The following EPHA10 variants were observed in gnomAD, a reference collection of about 807,000 sequenced individuals.
The protein encoded by EPHA10 is EPH receptor A10, also known as ephrin type-A receptor 10.
In EPHA10, 120 loss-of-function variants were observed where a neutral mutation model predicts 109.7. The ratio of observed to expected loss-of-function variants is 1.09; its 90% CI spans 0.94 to 1.27. The LOEUF (loss-of-function observed/expected upper bound fraction) is 1.27. Ranked by LOEUF, EPHA10 falls within the 50% of genes most tolerant of loss-of-function variation. The pLI is 0.00. For missense variants in EPHA10, 1,396 were observed against 1,411.1 expected, an observed-to-expected ratio of 0.99 and a Z score of 0.17; for synonymous variants, 640 against 618.9, an observed-to-expected ratio of 1.03 and a Z score of -0.51.
At chr1:37,727,297 C>G (rs889540594) in intron 7 of EPHA10, 87 bp from the exon 8 acceptor site, 1 of 1,082,028 alleles carries the variant, frequency 9.2e-7, no homozygotes, top group Non-Finnish European at 1.3e-6. Flanking sequence ...CACCCTGTAG[C>G]AGGATTCCCA....
intron 5 of EPHA10, among the ~76,000 whole-genome samples, chr1:37,752,674 C>T (rs1246885261): frequency 1.3e-5 from 2 of 151,952 alleles, no homozygotes; most frequent in African/African-American, 4.8e-5. Flanking sequence ...CTCAGTCCCT[C>T]TCGCACACTC....
At chr1:37,742,226 T>C (rs1646165845) in intron 5 of EPHA10, among the ~76,000 whole-genome samples, 1 of 152,328 alleles carries the variant, frequency 6.6e-6, no homozygotes, top group South Asian at 2.1e-4. Flanking sequence ...CAGATAGTAC[T>C]GGAAACCTAG....
At position 37,735,330 on chromosome 1, in the gene EPHA10, G is replaced by A. The variant is rs997662623; in HGVS notation, c.1418C>T (p.Ser473Leu). 4 of 1,573,490 alleles carry A rather than the reference G, an allele frequency of 2.5e-6. No homozygotes were observed. The highest frequency in any genetic ancestry group is 1.3e-5 in the African/African-American group (1 of 74,134). The stretch of plus-strand genomic sequence containing the variant: ...TCCGGCAGGGATGGGCTCCCGCCAC[G>A]ACAGGGACACGCTCTGGGGTTCCAC... ...DRVEPQSVSLSWREPIPAGAP... is the reference protein window; with the variant it reads ...DRVEPQSVSLLWREPIPAGAP... Residue 473 changes from serine to leucine, a missense_variant, in exon 6 of 17, where the codon TCG (serine) becomes TTG (leucine). Coordinates refer to ENST00000373048, the MANE Select transcript of EPHA10 (RefSeq NM_001099439.2).
rs192981933 is a variant in EPHA10 at position 37,747,805 on chromosome 1, G to A, written c.1357+5071C>T. Among the ~76,000 whole-genome samples the A allele has an allele frequency of 4.5e-3, 684 of 151,782 alleles. 8 individuals are homozygous for A. Among genetic ancestry groups the A allele is most frequent in the Middle Eastern group, 0.027 (8 of 294 alleles). ...AATAATAAATCATAAAATAAGTGAC[G>A]AAAGTAAAGAACAATGGAATTGATA... On this transcript the variant is annotated intron_variant, in intron 5 of 16. Coordinates refer to ENST00000373048, the MANE Select transcript of EPHA10 (RefSeq NM_001099439.2).
chr1:37,761,316 C>T (rs1443634519), intron 3 of EPHA10, 89 bp downstream of exon 3: 1 of 1,555,110 alleles, frequency 6.4e-7, no homozygotes, highest in Non-Finnish European at 8.6e-7. Context: ...CCCGACCCCA[C>T]ACCCGCCTCT....
intron 5 of EPHA10, among the ~76,000 whole-genome samples, chr1:37,746,934 A>C (rs888537811): frequency 6.6e-6 from 1 of 152,250 alleles, no homozygotes. Flanking sequence ...AGAAACAGAA[A>C]GACCTAGTTG....
Position 37,754,217 on chromosome 1 carries a change from G to A in EPHA10, c.1004C>T (p.Thr335Ile), listed in dbSNP as rs533739382. 3 of 1,295,998 alleles carry A rather than the reference G, an allele frequency of 2.3e-6. No individual in the cohort carries two copies. Among genetic ancestry groups the A allele is most frequent in the Admixed American group, 4.1e-5 (1 of 24,398 alleles). 80.3% of individuals were successfully genotyped at this position (1,295,998 alleles called of 1,614,324 possible). A position where few individuals can be genotyped will look rare whatever the true frequency, so the allele number is the denominator to read the frequency against. Residue 335 changes from threonine (T) to isoleucine (I), a missense_variant and splice_region_variant, in exon 4 of 17, where the codon ACC becomes ATC. Physicochemically the swap from Thr to Ile is moderately conservative, Grantham distance 89. Coordinates refer to ENST00000373048, the MANE Select transcript of EPHA10 (RefSeq NM_001099439.2). The surrounding 1 kb of genome is among the most constrained non-coding windows in gnomAD (Gnocchi z 4.5). ...TGCAGCCTGGAGGGGGGACTCACGG[G>A]TGCAGGAAGCCGAGGGCGGGTCGGT... The part of the protein sequence containing the change: ...SPTDPPSASC[T>I]RPPSAPRDLQ...
At chr1:37,755,078 G>A (rs1646381857) in intron 3 of EPHA10, among the ~76,000 whole-genome samples, 1 of 152,130 alleles carries the variant, frequency 6.6e-6, no homozygotes, top group African/African-American at 2.4e-5. Context: ...AAAATTGCAG[G>A]CGTGAGCCAC....
intron 7 of EPHA10, among the ~76,000 whole-genome samples, chr1:37,731,104 T>A (rs1052543059): frequency 6.6e-6 from 1 of 152,212 alleles, no homozygotes; most frequent in Non-Finnish European, 1.5e-5. Flanking sequence ...CAGTGTCCCA[T>A]GTTTGGGTCT....
In EPHA10 at chr1:37,721,804, C is replaced by A. The variant is rs748130584; in HGVS notation, c.2002G>T (p.Gly668Cys). ...ACGGCTACGAGCAGCTCCTGGCGAC[C>A]GGGGAGCTGCAAGCAGCCACAGCAC... The part of the protein sequence containing the change: ...ELCCGCLQLP[G>C]RQELLVAVHM... Residue 668 changes from glycine to cysteine, a missense_variant, in exon 11 of 17, where the codon GGT becomes TGT. Coordinates refer to ENST00000373048, the MANE Select transcript of EPHA10 (RefSeq NM_001099439.2). The A allele has an allele frequency of 6.2e-7, 1 of 1,608,272 alleles. No individual in the cohort carries two copies. Among genetic ancestry groups the A allele is most frequent in the South Asian group, 1.1e-5 (1 of 90,622 alleles).
At position 37,716,468 on chromosome 1, in the gene EPHA10, CCTGA is replaced by C. The variant is rs1464223080; in HGVS notation, c.*1900_*1903del. On this transcript the variant is annotated 3_prime_UTR_variant, in exon 17 of 17. Transcript: ENST00000373048. ...GCACCTGGCCGGGGGCTCCCCCAAC[CCTGA>C]CTAAGGTGGTAGCAACATCTTGGTC... 5 of 233,738 alleles carry C rather than the reference CCTGA, an allele frequency of 2.1e-5. No individual in the cohort carries two copies. Among genetic ancestry groups the C allele is most frequent in the African/African-American group, 6.6e-5 (3 of 45,298 alleles). 14.5% of individuals were successfully genotyped at this position (233,738 alleles called of 1,614,324 possible).
Position 37,731,619 on chromosome 1 carries a change from A to G in EPHA10, c.1492-37T>C, listed in dbSNP as rs760047596. ...TCAAGAAGTGAAGCCCACCAGCGCC[A>G]GATCCACTGTTCTAGGAGAACAAAG... On this transcript the variant is annotated intron_variant, in intron 6 of 16. Coordinates refer to ENST00000373048, the MANE Select transcript of EPHA10 (RefSeq NM_001099439.2). The G allele has an allele frequency of 1.9e-6, 3 of 1,572,582 alleles. No individual in the cohort carries two copies. In the South Asian group the frequency reaches 3.5e-5, roughly 18 times the overall value.
At chr1:37,735,107 G>A in intron 6 of EPHA10, 150 bp downstream of exon 6, 2 of 872,858 alleles carry the variant, frequency 2.3e-6, no homozygotes, top group Middle Eastern at 3.4e-4. Context: ...GGAGGAGGGG[G>A]AGACTCGAGC....
intron 3 of EPHA10, among the ~76,000 whole-genome samples, chr1:37,756,884 G>T (rs907625637): frequency 6.6e-6 from 1 of 152,020 alleles, no homozygotes; most frequent in African/African-American, 2.4e-5. Flanking sequence ...GGAGTGCAGT[G>T]GCACAATCAT....
Position 37,754,322 on chromosome 1 carries a change from G to A in EPHA10, c.899C>T (p.Ser300Leu), listed in dbSNP as rs1646374711. 1.5e-6 allele frequency: 2 copies of A among 1,319,560 alleles called. No homozygotes were observed. Among genetic ancestry groups the A allele is most frequent in the Non-Finnish European group, 9.7e-7 (1 of 1,028,934 alleles). 81.7% of individuals were successfully genotyped at this position (1,319,560 alleles called of 1,614,324 possible). A position where few individuals can be genotyped will look rare whatever the true frequency, so the allele number is the denominator to read the frequency against. ...GGCCCGGCTGTGCTCTGGGCACGGT[G>A]AGCAGAGGGGCCGCCGCGGGGACAC... ...YKVSPRRPLC[S>L]PCPEHSRALE... Residue 300 changes from serine to leucine, a missense_variant, in exon 4 of 17, where the codon TCA (serine) becomes TTA (leucine). Ser to Leu is a moderately radical substitution (Grantham distance 145). Transcript: ENST00000373048. The surrounding 1 kb of genome is among the most constrained non-coding windows in gnomAD (Gnocchi z 4.5).
chr1:37,735,454 G>GGAAGAGGGTGCGGC, intron 5 of EPHA10, 64 bp from the exon 6 acceptor site: 2 of 1,525,830 alleles, frequency 1.3e-6, no homozygotes, highest in South Asian at 2.5e-5. Context: ...GGGGGTGCGG[G>GGAAGAGGGTGCGGC]GAAGAGGGTG....
chr1:37,755,573 T>C (rs1296809073), intron 3 of EPHA10, among the ~76,000 whole-genome samples: 1 of 152,198 alleles, frequency 6.6e-6, no homozygotes, highest in Non-Finnish European at 1.5e-5. Context: ...CCTGGGTTTG[T>C]AGCTGAGTCA....
Position 37,720,053 on chromosome 1 carries a change from G to A in EPHA10, c.2418C>T (p.Gly806=), listed in dbSNP as rs1557528543. The change falls in exon 14 of 17, where the codon GGC becomes GGT. Residue 806 remains glycine (G), a synonymous_variant. Coordinates refer to ENST00000373048, the MANE Select transcript of EPHA10 (RefSeq NM_001099439.2). ...RSEAVYTTMS[G]RSPALWAAPE... Reference sequence around the variant, plus strand: ...GAGCGGCCCATAGCGCTGGGCTCCGGCCACTCTGTAGGGGCAGGCAGGTCA... The same window carrying A: ...GAGCGGCCCATAGCGCTGGGCTCCGACCACTCTGTAGGGGCAGGCAGGTCA... 1 of 1,613,552 alleles carries A rather than the reference G, an allele frequency of 6.2e-7. No homozygotes were observed. The highest frequency in any genetic ancestry group is 8.5e-7 in the Non-Finnish European group (1 of 1,180,004).
chr1:37,749,509 C>T (rs1569742529), intron 5 of EPHA10, among the ~76,000 whole-genome samples: 1 of 151,638 alleles, frequency 6.6e-6, no homozygotes, highest in South Asian at 2.1e-4. Context: ...CCTGTCTCTA[C>T]TAAAAATACA....
Sources: gnomAD v4.1 joint callset for allele counts (sites outside exome capture counted in the v4.1 genomes callset) on GRCh38, gnomAD v4.1.1 for gene constraint, Gnocchi (gnomAD v3.1) non-coding constraint, MANE v1.5 for transcripts, NCBI Gene and HGNC (gene_info 2026-07-23, HGNC 2026-07-21) for gene names.